Variants in NDRG2 observed in about 807,000 individuals in gnomAD.
The protein encoded by NDRG2 is NDRG family member 2, also known as protein NDRG2.
Under a neutral mutation model 58.2 loss-of-function variants are expected in NDRG2, and 34 were observed. That is an observed-to-expected ratio of 0.58 (90% CI 0.44 to 0.78). The LOEUF (loss-of-function observed/expected upper bound fraction) is 0.78, where lower values mean the gene tolerates loss of function less well. Among genes scored for constraint, NDRG2 ranks in the 30% least tolerant of loss-of-function variants. The probability of loss-of-function intolerance (pLI) is 0.00; values close to 1 mark genes in which losing one functional copy is unlikely to be tolerated. For synonymous variants in NDRG2, 187 were observed against 175.9 expected (o/e 1.06, Z -0.50); for missense variants, 434 against 471.2 (o/e 0.92, Z 0.73).
Position 21,018,239 on chromosome 14 carries a change from T to A in NDRG2, c.862A>T (p.Met288Leu), listed in dbSNP as rs769854286. ...LDPTQTSFLK[M>L]ADSGGQPQLT... ...TGGGGCTGACCTCCGGAGTCAGCCA[T>A]CTGTTCAGGAGAGCACCACCCAGAA... Residue 288 changes from methionine (M) to leucine (L), a missense_variant and splice_region_variant, in exon 14 of 16, where the codon ATG becomes TTG. Physicochemically the swap from Met to Leu is conservative, Grantham distance 15. Transcript: ENST00000556147. 7.4e-6 allele frequency: 12 copies of A among 1,613,742 alleles called. No individual in the cohort carries two copies. In the South Asian group the frequency reaches 1.1e-4, roughly 15 times the overall value.
In NDRG2 at chr14:21,070,302, C is replaced by G; in HGVS notation, c.24+526G>C. On this transcript the variant is annotated intron_variant, in intron 1 of 14. Coordinates refer to the NDRG2 transcript ENST00000403829. This position sits in a 1 kb window ranked among gnomAD's most constrained non-coding sequence, Gnocchi z 4.7. ...CACCGCGGCCGGAGCTGTCCCTTAG[C>G]CAGACCCGGCGAGACACGAGCGGCG... 1.5e-6 allele frequency: 2 copies of G among 1,341,030 alleles called. No individual in the cohort carries two copies. The highest frequency in any genetic ancestry group is 1.9e-6 in the Non-Finnish European group (2 of 1,039,434). The allele number at this position is 1,341,030 out of a possible 1,614,324, so 83.1% of individuals were successfully genotyped here. A position where few individuals can be genotyped will look rare whatever the true frequency, so the allele number is the denominator to read the frequency against.
chr14:21,020,874 T>C (rs754700012), intron 6 of NDRG2, 30 bp from the exon 7 acceptor site: 109 of 1,610,528 alleles, frequency 6.8e-5, no homozygotes, highest in Admixed American at 1.5e-4. Flanking sequence ...ATACGCCTCA[T>C]GGGATCTGCT....
chr14:21,030,938 T>A, intron 1 of NDRG2: 1 of 1,545,296 alleles, frequency 6.5e-7, no homozygotes, highest in Non-Finnish European at 8.7e-7. Flanking sequence ...CAAATCTGAG[T>A]GAGGCAAGAG....
chr14:21,054,728 A>T (rs1204415182), intron 1 of NDRG2, among the ~76,000 whole-genome samples: 1 of 152,236 alleles, frequency 6.6e-6, no homozygotes, highest in Non-Finnish European at 1.5e-5. Flanking sequence ...TTAACCTGCC[A>T]GAACCTTAGT....
At chr14:21,061,479 T>A (rs939018397) in intron 1 of NDRG2, among the ~76,000 whole-genome samples, 6 of 151,990 alleles carry the variant, frequency 3.9e-5, no homozygotes, top group African/African-American at 1.2e-4. Context: ...ACTCTGAGGG[T>A]AATGACACAG....
At chr14:21,054,947 G>GT (rs1189091051) in intron 1 of NDRG2, among the ~76,000 whole-genome samples, 1 of 152,078 alleles carries the variant, frequency 6.6e-6, no homozygotes, top group African/African-American at 2.4e-5. Flanking sequence ...TGCTGCTGCT[G>GT]TACAGCCCTG....
In NDRG2 at chr14:21,023,483, C is replaced by A. The variant is rs542018287; in HGVS notation, c.-6-162G>T. On this transcript the variant is annotated intron_variant, in intron 1 of 15. Coordinates refer to ENST00000556147, the MANE Select transcript of NDRG2 (RefSeq NM_001320329.2). Reference sequence around the variant, plus strand: ...CAGAGGGCCTTTCCTGCCCCCAGCTCCGTTTCCAGGCTGATCGGTGGAAGC... The same window carrying A: ...CAGAGGGCCTTTCCTGCCCCCAGCTACGTTTCCAGGCTGATCGGTGGAAGC... 20 of 627,144 alleles carry A rather than the reference C, an allele frequency of 3.2e-5. 1 individual carries two copies. The South Asian group carries it at 3.4e-4, about 11-fold the overall frequency. The allele number at this position is 627,144 out of a possible 1,614,324, so 38.8% of individuals were successfully genotyped here. A position where few individuals can be genotyped will look rare whatever the true frequency, so the allele number is the denominator to read the frequency against.
rs901266301 is a variant in NDRG2 at position 21,042,887 on chromosome 14, T to A, written c.25-19566A>T. 1.4e-5 allele frequency: 13 copies of A among 916,656 alleles called. No individual in the cohort carries two copies. In the African/African-American group the frequency reaches 2.2e-4, roughly 15 times the overall value. The allele number at this position is 916,656 out of a possible 1,614,324, so 56.8% of individuals were successfully genotyped here. ...GAAAGGAGACAACCGAGTAGGGAGA[T>A]GGGTGACTAGCTCATATGAGCAGGT... On this transcript the variant is annotated intron_variant, in intron 1 of 14. Coordinates refer to the NDRG2 transcript ENST00000403829.
At chr14:21,032,084 G>C (rs1226580168) in intron 1 of NDRG2, 2 of 1,609,210 alleles carry the variant, frequency 1.2e-6, no homozygotes, top group Admixed American at 1.7e-5. Context: ...GTAGAGAGGA[G>C]CTTCATCTCA....
intron 1 of NDRG2, among the ~76,000 whole-genome samples, chr14:21,069,300 C>G (rs1886484483): frequency 6.6e-6 from 1 of 152,152 alleles, no homozygotes; most frequent in African/African-American, 2.4e-5. Context: ...TCGTAACTAG[C>G]CCACCCTGCT....
At chr14:21,046,582 C>CATAT (rs1885171999) in intron 1 of NDRG2, among the ~76,000 whole-genome samples, 1 of 151,960 alleles carries the variant, frequency 6.6e-6, no homozygotes, top group Admixed American at 6.6e-5. Context: ...TACATACATA[C>CATAT]ATACATACAT....
chr14:21,020,619 G>C (rs1320551832), intron 7 of NDRG2, 37 bp from the exon 8 acceptor site: 1 of 1,604,096 alleles, frequency 6.2e-7, no homozygotes, highest in African/African-American at 1.3e-5. Context: ...GAGAAACAGG[G>C]CATGGCCTTA....
chr14:21,025,171 G>C, upstream of NDRG2: 4 of 916,566 alleles, frequency 4.4e-6, no homozygotes, highest in Non-Finnish European at 5.2e-6. This position sits in a 1 kb window ranked among gnomAD's most constrained non-coding sequence, Gnocchi z 5.1. Context: ...CAGACCCCCA[G>C]TAAACACGCC....
chr14:21,023,045 C>A (rs1881572177), intron 2 of NDRG2, 140 bp from the exon 3 acceptor site: 2 of 1,102,636 alleles, frequency 1.8e-6, no homozygotes, highest in Admixed American at 2.0e-5. Context: ...AAGAGAGACA[C>A]GGAAAGGATG....
At chr14:21,021,026 G>A (rs1054746044) in intron 6 of NDRG2, 182 bp from the exon 7 acceptor site, 2 of 709,136 alleles carry the variant, frequency 2.8e-6, no homozygotes, top group Non-Finnish European at 5.1e-6. Context: ...GGCACGGGTA[G>A]TCAGGGTAGA....
chr14:21,059,169 T>G (rs545848365), intron 1 of NDRG2, among the ~76,000 whole-genome samples: 1 of 152,194 alleles, frequency 6.6e-6, no homozygotes, highest in African/African-American at 2.4e-5. Context: ...AGAGTTCATG[T>G]TTCATCGACG....
At chr14:21,032,289 C>T (rs777662896) in intron 1 of NDRG2, 1 of 661,936 alleles carries the variant, frequency 1.5e-6, no homozygotes, top group Non-Finnish European at 2.8e-6. Flanking sequence ...CTTATGCCTA[C>T]CAGCCATCAG....
rs778497142 is a variant in NDRG2 at position 21,016,854 on chromosome 14, G to A, written c.*742C>T. 1.1e-5 allele frequency: 5 copies of A among 456,370 alleles called. No individual in the cohort carries two copies. The highest frequency in any genetic ancestry group is 1.8e-5 in the Non-Finnish European group (4 of 226,784). The allele number at this position is 456,370 out of a possible 1,614,324, so 28.3% of individuals were successfully genotyped here. A position where few individuals can be genotyped will look rare whatever the true frequency, so the allele number is the denominator to read the frequency against. ...CTCCACACATACTACAGTGTGGTCA[G>A]AGCCCCAGGGTAGCCCTTTCCACCC... On this transcript the variant is annotated 3_prime_UTR_variant, in exon 16 of 16. Coordinates refer to ENST00000556147, the MANE Select transcript of NDRG2 (RefSeq NM_001320329.2).
intron 1 of NDRG2, among the ~76,000 whole-genome samples, chr14:21,040,803 A>G (rs1884854438): frequency 1.3e-5 from 2 of 152,234 alleles, no homozygotes; most frequent in South Asian, 2.1e-4. Context: ...TCTCTGCCCC[A>G]GAGTCAGCGA....
Sources: gnomAD v4.1 joint callset for allele counts (sites outside exome capture counted in the v4.1 genomes callset) on GRCh38, gnomAD v4.1.1 for gene constraint, Gnocchi (gnomAD v3.1) non-coding constraint, MANE v1.5 for transcripts, NCBI Gene and HGNC (gene_info 2026-07-23, HGNC 2026-07-21) for gene names.